Variants in NARS2 observed in about 807,000 individuals in gnomAD.
NARS2 encodes the protein asparaginyl-tRNA synthetase 2, mitochondrial.
A neutral mutation model predicts 62.9 loss-of-function variants in NARS2; 60 were observed. The observed-to-expected ratio is 0.95, with a 90% CI of 0.77 to 1.18. NARS2 has a LOEUF of 1.18. NARS2 is among the 50% of genes most tolerant of loss of function. NARS2 has a pLI of 0.00. For missense variants in NARS2, 619 were observed against 576.4 expected (o/e 1.07, Z -0.76); for synonymous variants, 196 against 200.0 (o/e 0.98, Z 0.17).
At chr11:78,450,033 G>T (rs1434661362) in intron 11 of NARS2, among the ~76,000 whole-genome samples, 1 of 152,294 alleles carries the variant, frequency 6.6e-6, no homozygotes, top group East Asian at 1.9e-4. Flanking sequence ...CAGAAGCAAC[G>T]TATGTATGTC....
intron 11 of NARS2, among the ~76,000 whole-genome samples, chr11:78,444,386 A>G (rs1264307024): frequency 1.3e-5 from 2 of 152,176 alleles, no homozygotes; most frequent in African/African-American, 4.8e-5. Flanking sequence ...AGAAGTATAA[A>G]ATTAAAAAAA....
rs7130856 is a variant in NARS2, at chr11:78,543,901, C to T, written c.595-14965G>A. ...CAAAAATTAGCTGGGCGTGGTGGCG[C>T]GCACCTGTAGTCCCAGCTACTCGGG... On this transcript the variant is annotated intron_variant, in intron 5 of 13. Transcript: ENST00000281038. Among the ~76,000 whole-genome samples the T allele has an allele frequency of 2.5e-3, 383 of 151,432 alleles. 1 individual carries two copies. The highest frequency in any genetic ancestry group is 8.3e-3 in the African/African-American group (342 of 41,236).
intron 4 of NARS2, among the ~76,000 whole-genome samples, chr11:78,561,060 G>A (rs1856540744): frequency 6.6e-6 from 1 of 152,154 alleles, no homozygotes; most frequent in Non-Finnish European, 1.5e-5. Flanking sequence ...AATGCCACAA[G>A]AAACAGCACT....
Position 78,552,155 on chromosome 11 carries a change from C to G in NARS2, c.594+7384G>C, listed in dbSNP as rs115513396. ...TCTTCTCCCTCCTCCCATCCTCCCC[C>G]CTCAGGAAGACACCAGTGTCTGTTG... On this transcript the variant is annotated intron_variant, in intron 5 of 13. Transcript: ENST00000281038. 1.6e-4 allele frequency among the ~76,000 whole-genome samples: 25 copies of G among 152,312 alleles called. No individual in the cohort carries two copies. The East Asian group carries it at 3.1e-3, about 19-fold the overall frequency.
chr11:78,438,130 T>C (rs548753184), intron 13 of NARS2, among the ~76,000 whole-genome samples: 2 of 152,250 alleles, frequency 1.3e-5, no homozygotes, highest in South Asian at 4.1e-4. Flanking sequence ...CATCAACCTA[T>C]TTCCCCACCA....
chr11:78,463,250 G>C (rs1013190543), intron 11 of NARS2, among the ~76,000 whole-genome samples: 12 of 152,054 alleles, frequency 7.9e-5, no homozygotes, highest in African/African-American at 2.2e-4. Flanking sequence ...TGTTGAGATA[G>C]GGTCTTCCTA....
intron 5 of NARS2, among the ~76,000 whole-genome samples, chr11:78,557,724 C>T (rs1475739292): frequency 6.6e-6 from 1 of 151,150 alleles, no homozygotes; most frequent in African/African-American, 2.4e-5. Context: ...TTTCCTCTTC[C>T]TATTTATTCA....
chr11:78,510,610 A>G (rs1275026400), intron 6 of NARS2, among the ~76,000 whole-genome samples: 1 of 152,188 alleles, frequency 6.6e-6, no homozygotes, highest in Non-Finnish European at 1.5e-5. Flanking sequence ...TCTAACAAAC[A>G]TATACAGAAC....
intron 3 of NARS2, among the ~76,000 whole-genome samples, chr11:78,567,643 T>C (rs1160678411): frequency 1.3e-5 from 2 of 152,244 alleles, no homozygotes; most frequent in Non-Finnish European, 2.9e-5. Flanking sequence ...TCTTAGAACC[T>C]GATTTCTGAT....
intron 11 of NARS2, among the ~76,000 whole-genome samples, chr11:78,453,681 A>ACCTTGTG (rs1232006382): frequency 8.5e-5 from 13 of 152,360 alleles, no homozygotes; most frequent in African/African-American, 3.1e-4. Flanking sequence ...TAGTATCAGA[A>ACCTTGTG]GAAAAAGAAT....
chr11:78,481,070 C>T (rs1652630638), intron 7 of NARS2, among the ~76,000 whole-genome samples: 1 of 152,152 alleles, frequency 6.6e-6, no homozygotes, highest in African/African-American at 2.4e-5. Context: ...ATCCACCTGC[C>T]TCAGTCTCCC....
chr11:78,450,366 A>T (rs1002542755), intron 11 of NARS2, among the ~76,000 whole-genome samples: 3 of 152,238 alleles, frequency 2.0e-5, no homozygotes, highest in Non-Finnish European at 4.4e-5. Context: ...ATCTGGATAC[A>T]GTCCCACACC....
At chr11:78,440,967 A>G (rs1470573047) in intron 13 of NARS2, 124 bp downstream of exon 13, 6 of 820,604 alleles carry the variant, frequency 7.3e-6, no homozygotes, top group Admixed American at 2.3e-5. Flanking sequence ...CCCTGACCTA[A>G]GAACAGTTAA....
chr11:78,481,365 T>A (rs1859347936), intron 7 of NARS2, among the ~76,000 whole-genome samples: 1 of 152,138 alleles, frequency 6.6e-6, no homozygotes, highest in Non-Finnish European at 1.5e-5. Flanking sequence ...AATAAATTAC[T>A]AAGTAACATA....
chr11:78,448,905 C>A (rs553893289), intron 11 of NARS2, among the ~76,000 whole-genome samples: 3 of 152,182 alleles, frequency 2.0e-5, no homozygotes, highest in African/African-American at 7.2e-5. Flanking sequence ...AGATCTAAAC[C>A]ACGTTAATTT....
intron 12 of NARS2, 83 bp from the exon 13 acceptor site, chr11:78,441,200 A>G (rs1857568117): frequency 1.6e-6 from 2 of 1,271,012 alleles, no homozygotes; most frequent in African/African-American, 1.5e-5. Flanking sequence ...GGGTGTGTGC[A>G]AAGAACTCTT....
At chr11:78,540,049 C>G (rs1400162232) in intron 5 of NARS2, among the ~76,000 whole-genome samples, 1 of 152,160 alleles carries the variant, frequency 6.6e-6, no homozygotes, top group Non-Finnish European at 1.5e-5. Context: ...TAACCTTTCC[C>G]TGATCATATA....
chr11:78,457,721 C>T lies in NARS2; in HGVS notation c.1164+8155G>A, dbSNP rs773179105. Among the ~76,000 whole-genome samples, 5 of 151,944 alleles carry T rather than the reference C, an allele frequency of 3.3e-5. No homozygotes were observed. In the South Asian group the frequency reaches 6.2e-4, roughly 19 times the overall value. ...GTGTCATAATGAAGGTTTCCCAGTACTGTTGAAGGTAAGATACTTGTGAGT... is the reference window on the plus strand; with the variant it reads ...GTGTCATAATGAAGGTTTCCCAGTATTGTTGAAGGTAAGATACTTGTGAGT... On this transcript the variant is annotated intron_variant, in intron 11 of 13. Transcript: ENST00000281038.
At chr11:78,480,342 C>T (rs1172416674) in intron 7 of NARS2, among the ~76,000 whole-genome samples, 2 of 151,970 alleles carry the variant, frequency 1.3e-5, no homozygotes, top group Admixed American at 6.6e-5. Flanking sequence ...GTAGCCTCTG[C>T]CTCCTGGGTT....
Sources: gnomAD v4.1 joint callset for allele counts (sites outside exome capture counted in the v4.1 genomes callset) on GRCh38, gnomAD v4.1.1 for gene constraint, MANE v1.5 for transcripts, NCBI Gene and HGNC (gene_info 2026-07-23, HGNC 2026-07-21) for gene names.